RANBP17: variants seen among roughly 807,000 people sequenced by gnomAD.
The protein encoded by RANBP17 is RAN binding protein 17, also known as ran-binding protein 17.
Under a neutral mutation model 141.2 loss-of-function variants are expected in RANBP17, and 158 were observed. The observed-to-expected ratio is 1.12, with a 90% CI of 0.98 to 1.28. The LOEUF (loss-of-function observed/expected upper bound fraction) is 1.28, where lower values mean the gene tolerates loss of function less well. Ranked by LOEUF, RANBP17 falls within the 50% of genes most tolerant of loss-of-function variation. The pLI, the probability that RANBP17 is intolerant of heterozygous loss-of-function variation, is 0.00. For missense variants in RANBP17, 1,438 were observed against 1,290.7 expected (o/e 1.11, Z -1.75); for synonymous variants, 430 against 450.0 (o/e 0.96, Z 0.56).
chr5:170,932,894 A>G (rs931323680), intron 12 of RANBP17, among the ~76,000 whole-genome samples: 10 of 152,110 alleles, frequency 6.6e-5, no homozygotes, highest in African/African-American at 1.7e-4. Context: ...TGTCTCTACC[A>G]GGCTTTGGTA....
At chr5:171,278,464 A>C (rs1464190089) in intron 25 of RANBP17, among the ~76,000 whole-genome samples, 4 of 152,096 alleles carry the variant, frequency 2.6e-5, no homozygotes, top group Non-Finnish European at 4.4e-5. Flanking sequence ...GGTTGCAGTG[A>C]GGCGCCATTG....
At chr5:170,969,944 A>G (rs1776867616) in intron 14 of RANBP17, among the ~76,000 whole-genome samples, 1 of 152,022 alleles carries the variant, frequency 6.6e-6, no homozygotes, top group African/African-American at 2.4e-5. Context: ...TTTCTATTGC[A>G]TAACCCCAGA....
intron 24 of RANBP17, among the ~76,000 whole-genome samples, chr5:171,255,798 G>A (rs1025872122): frequency 2.0e-5 from 3 of 152,128 alleles, no homozygotes; most frequent in African/African-American, 7.2e-5. Flanking sequence ...GTTGTAAATG[G>A]TGGCTGATTG....
rs115319148 is a variant in RANBP17 at position 170,993,541 on chromosome 5, T to C, written c.1710+25164T>C. ...CTGCCAGTTCTGTCTTAGACAAATA[T>C]GTAATATCTCTAAGCCATTCTTTCT... On this transcript the variant is annotated intron_variant, in intron 14 of 27. Coordinates refer to ENST00000523189, the MANE Select transcript of RANBP17 (RefSeq NM_022897.5). Among the ~76,000 whole-genome samples, 580 of 152,224 alleles carry C rather than the reference T, an allele frequency of 3.8e-3. 7 individuals carry two copies. Among genetic ancestry groups the C allele is most frequent in the African/African-American group, 0.013 (552 of 41,568 alleles).
intron 14 of RANBP17, among the ~76,000 whole-genome samples, chr5:171,060,300 T>G (rs530665069): frequency 0.011 from 1,593 of 140,166 alleles, 28 homozygotes; most frequent in African/African-American, 0.039. Flanking sequence ...TGGCTGTGGG[T>G]TTGTCATAGA....
chr5:171,111,091 A>G (rs561793356), intron 14 of RANBP17, among the ~76,000 whole-genome samples: 1 of 145,808 alleles, frequency 6.9e-6, no homozygotes, highest in African/African-American at 2.6e-5. Context: ...TGGTACAGGG[A>G]GAGTTTCTTT....
At chr5:171,082,187 T>G (rs1234716766) in intron 14 of RANBP17, among the ~76,000 whole-genome samples, 1 of 152,076 alleles carries the variant, frequency 6.6e-6, no homozygotes, top group East Asian at 1.9e-4. Flanking sequence ...TCATCTCAAA[T>G]AGAATATCTT....
chr5:170,984,638 CA>C (rs1011869239), intron 14 of RANBP17, among the ~76,000 whole-genome samples: 1 of 149,370 alleles, frequency 6.7e-6, no homozygotes, highest in East Asian at 2.0e-4. Context: ...AAAACAAAAA[CA>C]AAAAAAAAGT....
chr5:170,865,847 A>G lies in RANBP17; in HGVS notation c.18+3796A>G, dbSNP rs114503460. Among the ~76,000 whole-genome samples the G allele has an allele frequency of 3.1e-3, 472 of 152,312 alleles. 3 individuals carry two copies. The highest frequency in any genetic ancestry group is 0.011 in the African/African-American group (447 of 41,568). ...TTGCAGTTTGTTACAGGGACAGGAT[A>G]CAGATTAAAATTGGTCAAAGGAAGG... On this transcript the variant is annotated intron_variant, in intron 1 of 27. Coordinates refer to ENST00000523189, the MANE Select transcript of RANBP17 (RefSeq NM_022897.5).
chr5:170,887,932 T>C (rs2127374795), intron 3 of RANBP17, among the ~76,000 whole-genome samples: 1 of 152,284 alleles, frequency 6.6e-6, no homozygotes, highest in East Asian at 1.9e-4. Flanking sequence ...GGCAAAGCAC[T>C]CTTGGTGTAC....
At chr5:171,087,693 G>C (rs1785788428) in intron 14 of RANBP17, among the ~76,000 whole-genome samples, 1 of 151,016 alleles carries the variant, frequency 6.6e-6, no homozygotes, top group South Asian at 2.1e-4. Flanking sequence ...TCTTCTTGTT[G>C]AATTGATCCC....
At chr5:171,247,994 AAG>A (rs980485358) in intron 24 of RANBP17, among the ~76,000 whole-genome samples, 1 of 152,220 alleles carries the variant, frequency 6.6e-6, no homozygotes, top group African/African-American at 2.4e-5. Context: ...CCTCTCCCAA[AAG>A]AAGAACCAAA....
At chr5:171,000,227 C>T (rs4868055) in intron 14 of RANBP17, among the ~76,000 whole-genome samples, 93,007 of 151,982 alleles carry the variant, frequency 0.61, 29,820 homozygotes, top group South Asian at 0.88. Context: ...CTCTTCGAGA[C>T]CCTGCTTTCA....
intron 14 of RANBP17, among the ~76,000 whole-genome samples, chr5:171,107,111 A>G (rs947540016): frequency 6.6e-6 from 1 of 152,142 alleles, no homozygotes. Context: ...TATAAGATAG[A>G]CAAAGCAGGA....
At chr5:171,067,345 T>C (rs1290642931) in intron 14 of RANBP17, among the ~76,000 whole-genome samples, 5 of 152,182 alleles carry the variant, frequency 3.3e-5, no homozygotes, top group Admixed American at 6.5e-5. Context: ...ATACATTGTG[T>C]TCTTGTTAAC....
rs139765821 is a variant in RANBP17 at position 170,866,465 on chromosome 5, C to T, written c.18+4414C>T. 3.2e-4 allele frequency among the ~76,000 whole-genome samples: 48 copies of T among 152,050 alleles called. 3 individuals are homozygous for T. The East Asian group carries it at 8.2e-3, about 26-fold the overall frequency. On this transcript the variant is annotated intron_variant, in intron 1 of 27. Coordinates refer to ENST00000523189, the MANE Select transcript of RANBP17 (RefSeq NM_022897.5). ...CTGAGGCAGGTGGGTCACGAGGTCA[C>T]GAAATCGAGACCATCCTGGCTAACA...
In RANBP17 at chr5:171,075,108, G is replaced by A. The variant is rs929544865; in HGVS notation, c.1711-95022G>A. Among the ~76,000 whole-genome samples the A allele has an allele frequency of 1.6e-4, 25 of 152,236 alleles. No individual in the cohort carries two copies. In the South Asian group the frequency reaches 2.5e-3, roughly 15 times the overall value. ...TATAAATAACTCCCACAAGCTTAGCGTTCCAATAATGGAACATTGGGCATA... is the reference window on the plus strand; with the variant it reads ...TATAAATAACTCCCACAAGCTTAGCATTCCAATAATGGAACATTGGGCATA... On this transcript the variant is annotated intron_variant, in intron 14 of 27. Coordinates refer to ENST00000523189, the MANE Select transcript of RANBP17 (RefSeq NM_022897.5).
At chr5:171,251,706 C>T (rs557890041) in intron 24 of RANBP17, among the ~76,000 whole-genome samples, 2 of 152,198 alleles carry the variant, frequency 1.3e-5, no homozygotes, top group East Asian at 1.9e-4. Flanking sequence ...GGGTCCGTGG[C>T]GGCTCGGGGT....
chr5:170,926,158 A>G (rs1772899095), intron 12 of RANBP17, among the ~76,000 whole-genome samples: 1 of 150,976 alleles, frequency 6.6e-6, no homozygotes, highest in South Asian at 2.1e-4. Context: ...CAAATAGTAA[A>G]TGTTTCAGGT....
Sources: allele counts gnomAD v4.1 joint callset (sites outside exome capture counted in the v4.1 genomes callset), GRCh38; gene constraint gnomAD v4.1.1; transcripts MANE v1.5; gene names NCBI Gene and HGNC (gene_info 2026-07-23, HGNC 2026-07-21).